Variants in MBNL2 observed in about 807,000 individuals in gnomAD.
The protein encoded by MBNL2 is muscleblind like splicing regulator 2.
MBNL2 carries 17 observed loss-of-function variants against 41.9 expected under a neutral mutation model. The observed-to-expected ratio is 0.41, with a 90% confidence interval of 0.28 to 0.61. The LOEUF is 0.61. Among genes scored for constraint, MBNL2 ranks in the 20% least tolerant of loss-of-function variants. The pLI, the probability that MBNL2 is intolerant of heterozygous loss-of-function variation, is 0.35. For synonymous variants in MBNL2, 195 were observed against 182.9 expected, an observed-to-expected ratio of 1.07 and a Z score of -0.53; for missense variants, 336 against 505.6, an observed-to-expected ratio of 0.66 and a Z score of 3.22.
chr13:97,343,903 T>G (rs1475358049), intron 4 of MBNL2, among the ~76,000 whole-genome samples: 1 of 152,100 alleles, frequency 6.6e-6, no homozygotes, highest in Non-Finnish European at 1.5e-5. Flanking sequence ...TCTGCCCGGG[T>G]TCAAGTGATT....
At chr13:97,204,398 C>T in the MBNL2 span, among the ~76,000 whole-genome samples, 1 of 152,146 alleles carries the variant, frequency 6.6e-6, no homozygotes, top group African/African-American at 2.4e-5. Context: ...AATAACAAAA[C>T]ATCCATTTAA....
the MBNL2 span, among the ~76,000 whole-genome samples, chr13:97,154,597 A>G: frequency 2.0e-5 from 3 of 152,060 alleles, no homozygotes; most frequent in Non-Finnish European, 4.4e-5. Context: ...ATTACAGGCT[A>G]CCCAGCTGAT....
chr13:97,192,449 G>T, the MBNL2 span, among the ~76,000 whole-genome samples: 1 of 152,132 alleles, frequency 6.6e-6, no homozygotes, highest in African/African-American at 2.4e-5. Context: ...TTGAAGGCTG[G>T]GCTAACACCA....
rs995351853 is a variant in MBNL2, at chr13:97,284,616, G to A, written c.174+8207G>A. On this transcript the variant is annotated intron_variant, in intron 2 of 8. Coordinates refer to ENST00000679496, the MANE Select transcript of MBNL2 (RefSeq NM_001382683.1). ...TTAGGACTTCAACATATATTTTGGG[G>A]GAACACAATTCAACCCATTAATATA... is the stretch of plus-strand genomic sequence containing the variant. Among the ~76,000 whole-genome samples, 3 of 151,960 alleles carry A rather than the reference G, an allele frequency of 2.0e-5. 1 individual carries two copies. The highest frequency in any genetic ancestry group is 3.9e-4 in the East Asian group (2 of 5,182).
Position 97,276,175 on chromosome 13 carries a change from T to C in MBNL2, c.-61T>C, listed in dbSNP as rs549833491. 1 of 1,333,112 alleles carries C rather than the reference T, an allele frequency of 7.5e-7. No individual in the cohort carries two copies. Among genetic ancestry groups the C allele is most frequent in the East Asian group, 2.3e-5 (1 of 43,352 alleles). 82.6% of individuals were successfully genotyped at this position (1,333,112 alleles called of 1,614,324 possible). A position where few individuals can be genotyped will look rare whatever the true frequency, so the allele number is the denominator to read the frequency against. ...TTTCACAACAGTAGTTTTGGAATCATTAGAACTTGGATTGATTTCATCATT... is the reference window on the plus strand; with the variant it reads ...TTTCACAACAGTAGTTTTGGAATCACTAGAACTTGGATTGATTTCATCATT... On this transcript the variant is annotated 5_prime_UTR_variant, in exon 2 of 9. Transcript: ENST00000679496.
intron 2 of MBNL2, among the ~76,000 whole-genome samples, chr13:97,280,132 C>A (rs1047560246): frequency 3.3e-5 from 5 of 152,172 alleles, no homozygotes; most frequent in Non-Finnish European, 7.3e-5. Flanking sequence ...GGAGCAGAGG[C>A]CTTGACCACA....
intron 1 of MBNL2, among the ~76,000 whole-genome samples, chr13:97,261,139 G>A (rs1018296108): frequency 6.6e-6 from 1 of 151,780 alleles, no homozygotes; most frequent in Non-Finnish European, 1.5e-5. Flanking sequence ...TATTCATTCC[G>A]ATAGAAAGGA....
chr13:97,343,855 G>A (rs1179660763), intron 4 of MBNL2, among the ~76,000 whole-genome samples: 1 of 152,208 alleles, frequency 6.6e-6, no homozygotes, highest in East Asian at 1.9e-4. Flanking sequence ...TGCCCAGGCT[G>A]GAGTGCAATG....
At chr13:97,174,507 G>C in the MBNL2 span, among the ~76,000 whole-genome samples, 1 of 152,226 alleles carries the variant, frequency 6.6e-6, no homozygotes. Flanking sequence ...TGGATAAGTG[G>C]TGATTGACTT....
chr13:97,147,165 G>A, the MBNL2 span, among the ~76,000 whole-genome samples: 1 of 152,210 alleles, frequency 6.6e-6, no homozygotes, highest in East Asian at 1.9e-4. Flanking sequence ...TGGAAAAGTA[G>A]GCAGGTTGCA....
intron 2 of MBNL2, among the ~76,000 whole-genome samples, chr13:97,279,886 A>G (rs2053001463): frequency 6.6e-6 from 1 of 152,228 alleles, no homozygotes; most frequent in African/African-American, 2.4e-5. Context: ...TTTGGAAAAT[A>G]TAGTACAGTT....
chr13:97,236,638 C>T (rs759137897), intron 1 of MBNL2, among the ~76,000 whole-genome samples: 1 of 152,048 alleles, frequency 6.6e-6, no homozygotes. Flanking sequence ...CTTGGACCTC[C>T]GCTTTTTATT....
chr13:97,253,759 C>G (rs376198499), intron 1 of MBNL2, among the ~76,000 whole-genome samples: 2 of 131,526 alleles, frequency 1.5e-5, no homozygotes, highest in Non-Finnish European at 1.5e-5. Context: ...TTTATTAATA[C>G]GTATTAATTT....
chr13:97,347,591 C>T (rs558006610), intron 5 of MBNL2, among the ~76,000 whole-genome samples: 1 of 152,300 alleles, frequency 6.6e-6, no homozygotes, highest in South Asian at 2.1e-4. Context: ...GTCAGATTCC[C>T]CATCTCAATG....
At chr13:97,220,966 G>A (rs1185839895), upstream of MBNL2, among the ~76,000 whole-genome samples, 2 of 152,180 alleles carry the variant, frequency 1.3e-5, no homozygotes, top group African/African-American at 4.8e-5. Context: ...ATGAAAGCCT[G>A]CAAGTTAGGA....
chr13:97,242,311 C>T (rs554751344), intron 1 of MBNL2, among the ~76,000 whole-genome samples: 5 of 152,272 alleles, frequency 3.3e-5, no homozygotes, highest in Admixed American at 2.6e-4. Context: ...CCAAGGCTCC[C>T]GCATTTCTTG....
intron 1 of MBNL2, among the ~76,000 whole-genome samples, chr13:97,224,439 T>TA (rs1594054290): frequency 6.6e-6 from 1 of 152,110 alleles, no homozygotes; most frequent in African/African-American, 2.4e-5. Context: ...AGGAACCTTT[T>TA]AAAAAAGATT....
chr13:97,347,222 T>A (rs1453962998), intron 5 of MBNL2, among the ~76,000 whole-genome samples, 155 bp downstream of exon 5: 1 of 152,144 alleles, frequency 6.6e-6, no homozygotes, highest in Admixed American at 6.5e-5. Flanking sequence ...TTCCCCCTTT[T>A]TGTTTTGTTT....
chr13:97,274,635 C>T (rs1195925222), intron 1 of MBNL2, among the ~76,000 whole-genome samples: 1 of 152,172 alleles, frequency 6.6e-6, no homozygotes, highest in African/African-American at 2.4e-5. Context: ...CATCAAGGCT[C>T]AGCAGGTATG....
Sources: gnomAD v4.1 joint callset for allele counts (sites outside exome capture counted in the v4.1 genomes callset) on GRCh38, gnomAD v4.1.1 for gene constraint, MANE v1.5 for transcripts, NCBI Gene and HGNC (gene_info 2026-07-23, HGNC 2026-07-21) for gene names.